FSTL4: variants seen among roughly 807,000 people sequenced by gnomAD.
FSTL4 encodes follistatin-related protein 4.
A neutral mutation model predicts 78.2 loss-of-function variants in FSTL4; 28 were observed. The observed-to-expected ratio is 0.36, with a 90% CI of 0.27 to 0.49. The LOEUF (loss-of-function observed/expected upper bound fraction) is 0.49. Ranked by LOEUF, FSTL4 falls within the 20% of genes least tolerant of loss-of-function variation. FSTL4 has a pLI of 0.98. For missense variants in FSTL4, 922 were observed against 1,084.9 expected (o/e 0.85, Z 2.11); for synonymous variants, 422 against 440.5 (o/e 0.96, Z 0.53).
chr5:133,581,087 A>AG (rs758326110), intron 2 of FSTL4, among the ~76,000 whole-genome samples: 144 of 152,368 alleles, frequency 9.5e-4, no homozygotes, highest in Non-Finnish European at 8.1e-4. Flanking sequence ...TTTGATTAGA[A>AG]GGCACTTTCA....
At chr5:133,395,192 G>A (rs567857148) in intron 4 of FSTL4, among the ~76,000 whole-genome samples, 8 of 152,036 alleles carry the variant, frequency 5.3e-5, no homozygotes, top group Non-Finnish European at 1.0e-4. Flanking sequence ...CTTCCACCCC[G>A]TGGAAGCTTT....
At chr5:133,573,865 G>A (rs1001363016) in intron 2 of FSTL4, among the ~76,000 whole-genome samples, 4 of 152,172 alleles carry the variant, frequency 2.6e-5, no homozygotes, top group African/African-American at 9.7e-5. Context: ...AAAAAATGTT[G>A]GACGTATCTT....
the FSTL4 span, among the ~76,000 whole-genome samples, chr5:133,713,414 C>T: frequency 6.6e-6 from 1 of 152,344 alleles, no homozygotes; most frequent in East Asian, 1.9e-4. Flanking sequence ...CAGGCTACCC[C>T]TTGCTGCAAG....
At chr5:133,342,126 A>G (rs1317466208) in intron 4 of FSTL4, among the ~76,000 whole-genome samples, 1 of 152,088 alleles carries the variant, frequency 6.6e-6, no homozygotes. Context: ...CTGGAAGGAG[A>G]GCCTTCCTGT....
intron 6 of FSTL4, among the ~76,000 whole-genome samples, chr5:133,293,046 G>C (rs1338886348): frequency 6.6e-6 from 1 of 152,226 alleles, no homozygotes; most frequent in South Asian, 2.1e-4. Flanking sequence ...TCCCCTCTGT[G>C]GGGCCAGGCT....
chr5:133,368,159 A>C (rs893797148), intron 4 of FSTL4, among the ~76,000 whole-genome samples: 13 of 152,248 alleles, frequency 8.5e-5, no homozygotes, highest in African/African-American at 3.1e-4. Flanking sequence ...GACACAGTCT[A>C]TGCTAACAAT....
intron 6 of FSTL4, among the ~76,000 whole-genome samples, chr5:133,302,345 CAAAT>C (rs1306784583): frequency 6.6e-6 from 1 of 152,280 alleles, no homozygotes; most frequent in South Asian, 2.1e-4. Context: ...ATCAAGAACA[CAAAT>C]AAATACCCAG....
the FSTL4 span, among the ~76,000 whole-genome samples, chr5:133,659,282 A>G: frequency 3.9e-5 from 6 of 152,254 alleles, no homozygotes; most frequent in South Asian, 1.0e-3. Flanking sequence ...ACACATTATC[A>G]GAGGTGTACA....
At chr5:133,405,877 G>A (rs1756352324) in intron 3 of FSTL4, among the ~76,000 whole-genome samples, 1 of 152,204 alleles carries the variant, frequency 6.6e-6, no homozygotes, top group Non-Finnish European at 1.5e-5. Context: ...GGGCACTTCC[G>A]CAGTTCCTGC....
At chr5:133,780,075 G>A in the FSTL4 span, among the ~76,000 whole-genome samples, 4 of 152,146 alleles carry the variant, frequency 2.6e-5, no homozygotes, top group African/African-American at 7.2e-5. Flanking sequence ...AAGAGGGCTC[G>A]CAGGTGCACA....
At chr5:133,729,175 C>T in the FSTL4 span, among the ~76,000 whole-genome samples, 4 of 152,128 alleles carry the variant, frequency 2.6e-5, no homozygotes, top group African/African-American at 4.8e-5. Flanking sequence ...CCATCACATA[C>T]GACCCCTTGG....
intron 3 of FSTL4, among the ~76,000 whole-genome samples, chr5:133,553,267 G>A (rs538067235): frequency 3.3e-5 from 5 of 152,114 alleles, no homozygotes; most frequent in East Asian, 1.9e-4. Flanking sequence ...GTCTTGTCTC[G>A]GACGTTTCTT....
the FSTL4 span, among the ~76,000 whole-genome samples, chr5:133,838,330 A>T: frequency 1.3e-5 from 2 of 152,242 alleles, no homozygotes; most frequent in African/African-American, 4.8e-5. Flanking sequence ...AAATTCCCCT[A>T]AAACTTAGTG....
At chr5:133,695,850 C>T in the FSTL4 span, among the ~76,000 whole-genome samples, 2 of 152,188 alleles carry the variant, frequency 1.3e-5, no homozygotes, top group African/African-American at 2.4e-5. Context: ...TGTGAGTGAC[C>T]TCCATGGAGG....
intron 3 of FSTL4, among the ~76,000 whole-genome samples, chr5:133,517,510 C>CACACACACACAA (rs1491432421): frequency 5.1e-5 from 6 of 118,654 alleles, no homozygotes; most frequent in Admixed American, 8.5e-5. Context: ...CACACACACA[C>CACACACACACAA]AAACTGAAAG....
At chr5:133,207,981 T>C (rs937875725) in intron 14 of FSTL4, 1 of 152,226 alleles carries the variant, frequency 6.6e-6, no homozygotes, top group East Asian at 1.9e-4. Context: ...AATTTATCTT[T>C]AGTTACAGCT....
chr5:133,241,087 C>T (rs1418937964), intron 7 of FSTL4, among the ~76,000 whole-genome samples: 4 of 152,234 alleles, frequency 2.6e-5, no homozygotes, highest in Non-Finnish European at 5.9e-5. Flanking sequence ...GAAATTGACA[C>T]TGTGACAGTG....
chr5:133,255,242 G>A (rs531392167), intron 6 of FSTL4, among the ~76,000 whole-genome samples: 1 of 152,350 alleles, frequency 6.6e-6, no homozygotes, highest in African/African-American at 2.4e-5. Context: ...TTTGGAAAGA[G>A]AGGGCTGGGT....
the FSTL4 span, among the ~76,000 whole-genome samples, chr5:133,795,274 T>C: frequency 6.6e-6 from 1 of 152,110 alleles, no homozygotes; most frequent in South Asian, 2.1e-4. Context: ...GGCAAGGGGA[T>C]AGTGGGGTGG....
Sources: allele counts gnomAD v4.1 joint callset (sites outside exome capture counted in the v4.1 genomes callset), GRCh38; gene constraint gnomAD v4.1.1; transcripts MANE v1.5; gene names NCBI Gene and HGNC (gene_info 2026-07-23, HGNC 2026-07-21).